Variants in CDH4 observed in about 807,000 individuals in gnomAD.
CDH4 encodes cadherin 4, also known as cadherin-4.
A neutral mutation model predicts 86.0 loss-of-function variants in CDH4; 33 were observed. The observed-to-expected ratio is 0.38, with a 90% confidence interval of 0.29 to 0.51. The LOEUF (loss-of-function observed/expected upper bound fraction) is 0.51, where lower values mean the gene tolerates loss of function less well. Among genes scored for constraint, CDH4 ranks in the 20% least tolerant of loss-of-function variants. The pLI is 0.86. For synonymous variants in CDH4, 555 were observed against 549.4 expected, an observed-to-expected ratio of 1.01 and a Z score of -0.14; for missense variants, 1,114 against 1,307.4, an observed-to-expected ratio of 0.85 and a Z score of 2.28.
intron 2 of CDH4, among the ~76,000 whole-genome samples, chr20:61,439,835 G>A (rs1426274286): frequency 6.6e-6 from 1 of 152,242 alleles, no homozygotes; most frequent in Non-Finnish European, 1.5e-5. Context: ...AGCGGGGAGG[G>A]CTGCCCACAT....
In CDH4 at chr20:61,697,265, C is replaced by T. The variant is rs534438096; in HGVS notation, c.170-46298C>T. On this transcript the variant is annotated intron_variant, in intron 2 of 15. Coordinates refer to ENST00000614565, the MANE Select transcript of CDH4 (RefSeq NM_001794.5). ...CCAGTTCATAGGGCCCACACCCAGG[C>T]GAGTCTGGATCCTTAGGAAAAGAAC... 2.0e-4 allele frequency among the ~76,000 whole-genome samples: 31 copies of T among 152,228 alleles called. No homozygotes were observed. In the South Asian group the frequency reaches 4.8e-3, roughly 23 times the overall value.
intron 3 of CDH4, among the ~76,000 whole-genome samples, chr20:61,758,055 T>C (rs1303256166): frequency 3.3e-5 from 5 of 152,232 alleles, no homozygotes; most frequent in Non-Finnish European, 7.4e-5. Context: ...GAGCTTACCT[T>C]CTCTCGGGGC....
intron 2 of CDH4, among the ~76,000 whole-genome samples, chr20:61,336,145 CTTCTCTCCATTCCTGCCTGTT>C (rs2123273276): frequency 6.6e-6 from 1 of 152,280 alleles, no homozygotes; most frequent in African/African-American, 2.4e-5. Context: ...CTTAGAGTGC[CTTCTCTCCATTCCTGCCTGTT>C]TAAATCCTAC....
At chr20:61,726,194 C>T (rs961841563) in intron 2 of CDH4, among the ~76,000 whole-genome samples, 7 of 152,074 alleles carry the variant, frequency 4.6e-5, no homozygotes, top group Admixed American at 2.0e-4. Flanking sequence ...CCCCCAGTGG[C>T]CCAGGGCTGA....
intron 15 of CDH4, 127 bp from the exon 16 acceptor site, chr20:61,936,610 T>C (rs1475706531): frequency 8.0e-6 from 5 of 627,338 alleles, no homozygotes; most frequent in Admixed American, 8.1e-5. Context: ...AGAGCCCTTA[T>C]TGGACACCTA....
At chr20:61,389,215 G>A (rs2084967761) in intron 2 of CDH4, among the ~76,000 whole-genome samples, 1 of 152,220 alleles carries the variant, frequency 6.6e-6, no homozygotes, top group African/African-American at 2.4e-5. Context: ...GAGGGGTGGG[G>A]GTGCAGGCTC....
At chr20:61,592,791 C>G (rs1039290654) in intron 2 of CDH4, among the ~76,000 whole-genome samples, 3 of 152,202 alleles carry the variant, frequency 2.0e-5, no homozygotes. Context: ...GTCATTCGTA[C>G]TCACTTTGTT....
At chr20:61,405,303 C>G (rs974096688) in intron 2 of CDH4, among the ~76,000 whole-genome samples, 1 of 151,572 alleles carries the variant, frequency 6.6e-6, no homozygotes, top group South Asian at 2.1e-4. Context: ...ACTAGTGTGC[C>G]ACTTCCATAC....
chr20:61,803,196 G>C (rs1277477269), intron 4 of CDH4, among the ~76,000 whole-genome samples: 1 of 113,744 alleles, frequency 8.8e-6, no homozygotes, highest in African/African-American at 3.5e-5. Context: ...TGGACGGGCT[G>C]AGGTCTTCCT....
chr20:61,462,869 C>A (rs715923), intron 2 of CDH4, among the ~76,000 whole-genome samples: 63,510 of 152,028 alleles, frequency 0.42, 14,271 homozygotes, highest in Admixed American at 0.52. Context: ...GCACCTCACC[C>A]GTCAGTCTTC....
At chr20:61,929,574 G>C in intron 12 of CDH4, 35 bp from the exon 13 acceptor site, 1 of 1,527,926 alleles carries the variant, frequency 6.5e-7, no homozygotes, top group East Asian at 2.3e-5. Context: ...CGAGGGCCGG[G>C]CTCTGGTTGA....
intron 6 of CDH4, among the ~76,000 whole-genome samples, chr20:61,870,337 G>A (rs2066420): frequency 0.11 from 17,196 of 152,258 alleles, 1,221 homozygotes; most frequent in African/African-American, 0.19. Context: ...CAGGAATGGC[G>A]GTAGGGGCTG....
chr20:61,528,862 T>G (rs1453200889), intron 2 of CDH4, among the ~76,000 whole-genome samples: 1 of 152,000 alleles, frequency 6.6e-6, no homozygotes, highest in African/African-American at 2.4e-5. Context: ...TTTTTTTTTT[T>G]TTTGTAACCA....
intron 2 of CDH4, among the ~76,000 whole-genome samples, chr20:61,514,762 G>A (rs1293068877): frequency 2.0e-5 from 3 of 152,238 alleles, no homozygotes; most frequent in African/African-American, 7.2e-5. Context: ...GATTTATTGT[G>A]CCTCTCAAAA....
intron 2 of CDH4, among the ~76,000 whole-genome samples, chr20:61,426,087 A>C (rs890483254): frequency 1.3e-5 from 2 of 152,256 alleles, no homozygotes; most frequent in East Asian, 3.8e-4. Flanking sequence ...GCAGTTAAAA[A>C]ATATATTAAG....
At chr20:61,841,012 C>A (rs1982138969) in intron 4 of CDH4, among the ~76,000 whole-genome samples, 1 of 152,236 alleles carries the variant, frequency 6.6e-6, no homozygotes, top group African/African-American at 2.4e-5. Flanking sequence ...TTAAATTTCC[C>A]TATGAAAGAG....
intron 4 of CDH4, among the ~76,000 whole-genome samples, chr20:61,825,476 G>A (rs970538599): frequency 7.2e-5 from 11 of 152,110 alleles, no homozygotes; most frequent in Non-Finnish European, 1.6e-4. Context: ...CCAACACCAA[G>A]CTCACTCCTA....
chr20:61,690,611 C>T (rs2087642752), intron 2 of CDH4, among the ~76,000 whole-genome samples: 1 of 152,118 alleles, frequency 6.6e-6, no homozygotes, highest in Non-Finnish European at 1.5e-5. Flanking sequence ...GTTCGGAGTG[C>T]TCTGAGCGTT....
intron 4 of CDH4, among the ~76,000 whole-genome samples, chr20:61,832,124 G>A (rs1306910271): frequency 6.6e-6 from 1 of 152,236 alleles, no homozygotes; most frequent in African/African-American, 2.4e-5. Flanking sequence ...TGGGGTAAGA[G>A]CCAATGAGTG....
Sources: allele counts gnomAD v4.1 joint callset (sites outside exome capture counted in the v4.1 genomes callset), GRCh38; gene constraint gnomAD v4.1.1; transcripts MANE v1.5; gene names NCBI Gene and HGNC (gene_info 2026-07-23, HGNC 2026-07-21).